Variants in VWA5B1 observed in about 807,000 individuals in gnomAD.
VWA5B1 encodes the protein von Willebrand factor A domain containing 5B1.
VWA5B1 carries 115 observed loss-of-function variants against 118.2 expected under a neutral mutation model. The ratio of observed to expected loss-of-function variants is 0.97; its 90% confidence interval spans 0.84 to 1.14. The LOEUF (loss-of-function observed/expected upper bound fraction) is 1.14, where lower values mean the gene tolerates loss of function less well. Among genes scored for constraint, VWA5B1 ranks in the 50% most tolerant of loss-of-function variants. VWA5B1 has a pLI of 0.00. For synonymous variants in VWA5B1, 682 were observed against 658.4 expected, an observed-to-expected ratio of 1.04 and a Z score of -0.55; for missense variants, 1,596 against 1,603.8, an observed-to-expected ratio of 1.00 and a Z score of 0.08.
Position 20,354,404 on chromosome 1 carries a change from A to T in VWA5B1, c.*141A>T. On this transcript the variant is annotated 3_prime_UTR_variant, in exon 22 of 22. Transcript: ENST00000289815. Reference sequence around the variant, plus strand: ...AAAGAGCCCTGGACTGGCAGCCAGGAGGCCTGAGTTCAATCCCAACTTTGC... The same window carrying T: ...AAAGAGCCCTGGACTGGCAGCCAGGTGGCCTGAGTTCAATCCCAACTTTGC... 8.9e-7 allele frequency: 1 copy of T among 1,127,544 alleles called. No homozygotes were observed. The highest frequency in any genetic ancestry group is 1.2e-6 in the Non-Finnish European group (1 of 819,086). The allele number at this position is 1,127,544 out of a possible 1,614,324, so 69.8% of individuals were successfully genotyped here.
Position 20,336,459 on chromosome 1 carries a change from G to A in VWA5B1, c.1915G>A (p.Ala639Thr). The change falls in exon 13 of 22, where the codon GCC becomes ACC. Residue 639 changes from alanine (A) to threonine (T), a missense_variant. Physicochemically the swap from Ala to Thr is moderately conservative, Grantham distance 58 (BLOSUM62 0). Coordinates refer to ENST00000289815, the MANE Select transcript of VWA5B1 (RefSeq NM_001039500.3). ...ILGQAKNARL[A>T]SGDSTTKHDL... The stretch of plus-strand genomic sequence containing the variant: ...AGGGCAGGCCAAAAATGCCCGGCTA[G>A]CCAGCGGAGACTCTACCACCAAGCA... 2 of 1,472,716 alleles carry A rather than the reference G, an allele frequency of 1.4e-6. No individual in the cohort carries two copies. The highest frequency in any genetic ancestry group is 1.8e-6 in the Non-Finnish European group (2 of 1,104,002). 91.2% of individuals were successfully genotyped at this position (1,472,716 alleles called of 1,614,324 possible). A position where few individuals can be genotyped will look rare whatever the true frequency, so the allele number is the denominator to read the frequency against.
chr1:20,309,500 G>C (rs749590583), intron 1 of VWA5B1, among the ~76,000 whole-genome samples: 8 of 152,226 alleles, frequency 5.3e-5, no homozygotes, highest in Non-Finnish European at 1.0e-4. Flanking sequence ...AGGGATGGAA[G>C]GAACAGGACA....
rs2089104788 is a variant in VWA5B1, at chr1:20,318,631, C to T, written c.751C>T (p.Pro251Ser). Residue 251 changes from proline to serine, a missense_variant, in exon 6 of 22, where the codon CCA becomes TCA. Transcript: ENST00000289815. ...PTHEIRADAA[P>S]SARSAKSIII... ...TCATGAGATTCGTGCCGACGCCGCC[C>T]CATCTGCCCGCTCGGCCAAGAGCAT... 3 of 1,551,168 alleles carry T rather than the reference C, an allele frequency of 1.9e-6. No homozygotes were observed. Among genetic ancestry groups the T allele is most frequent in the Non-Finnish European group, 2.6e-6 (3 of 1,146,732 alleles).
chr1:20,331,785 T>G (rs6696293), intron 11 of VWA5B1, among the ~76,000 whole-genome samples: 3 of 152,006 alleles, frequency 2.0e-5, no homozygotes, highest in Admixed American at 6.6e-5. Flanking sequence ...CTGGAAGCTG[T>G]CACCTAACGG....
chr1:20,293,815 G>A, intron 1 of VWA5B1, among the ~76,000 whole-genome samples: 1 of 152,132 alleles, frequency 6.6e-6, no homozygotes, highest in Admixed American at 6.5e-5. Context: ...ATTCTGTGTG[G>A]GGCTAGGCAG....
chr1:20,336,227 C>T (rs2100957814), intron 12 of VWA5B1, 76 bp from the exon 13 acceptor site: 1 of 1,242,690 alleles, frequency 8.0e-7, no homozygotes, highest in Non-Finnish European at 1.0e-6. Flanking sequence ...CCTCTGCTCA[C>T]ACCCCTTGCT....
At chr1:20,346,448 C>A (rs1320849007) in intron 17 of VWA5B1, among the ~76,000 whole-genome samples, 1 of 152,016 alleles carries the variant, frequency 6.6e-6, no homozygotes, top group Non-Finnish European at 1.5e-5. Flanking sequence ...TATTTTATTC[C>A]CCATTTGGTT....
At chr1:20,332,645 C>A in intron 11 of VWA5B1, 121 bp from the exon 12 acceptor site, 2 of 1,081,850 alleles carry the variant, frequency 1.8e-6, no homozygotes, top group Non-Finnish European at 1.3e-6. Context: ...AGGCAAGTCA[C>A]CACAAGGCCT....
At chr1:20,333,191 A>G (rs12118463) in intron 12 of VWA5B1, among the ~76,000 whole-genome samples, 37,639 of 152,184 alleles carry the variant, frequency 0.25, 5,207 homozygotes, top group East Asian at 0.39. Context: ...GAGCCCCTGC[A>G]GTAGAACCAC....
At chr1:20,295,525 C>T (rs950138822) in intron 1 of VWA5B1, among the ~76,000 whole-genome samples, 1 of 152,160 alleles carries the variant, frequency 6.6e-6, no homozygotes, top group Non-Finnish European at 1.5e-5. Context: ...TAGATCGTGC[C>T]TTGTGAATCT....
chr1:20,301,932 C>T (rs1054417966), intron 1 of VWA5B1, among the ~76,000 whole-genome samples: 1 of 152,192 alleles, frequency 6.6e-6, no homozygotes, highest in African/African-American at 2.4e-5. Flanking sequence ...ACAGGCATGG[C>T]GCAGTTTCTG....
At chr1:20,323,655 C>A in intron 8 of VWA5B1, 123 bp downstream of exon 8, 1 of 1,041,872 alleles carries the variant, frequency 9.6e-7, no homozygotes, top group Non-Finnish European at 1.3e-6. Context: ...TCAGTTTAAA[C>A]AGAGATACCC....
At chr1:20,305,505 G>GC (rs961237226) in intron 1 of VWA5B1, among the ~76,000 whole-genome samples, 4 of 152,038 alleles carry the variant, frequency 2.6e-5, no homozygotes, top group African/African-American at 9.7e-5. Context: ...AAATGCATCA[G>GC]CCCCCCAAGG....
In VWA5B1 at chr1:20,298,015, T is replaced by TG. The variant is rs144623674; in HGVS notation, c.-27+6927_-27+6928insG. Among the ~76,000 whole-genome samples the TG allele has an allele frequency of 1.5e-3, 216 of 140,348 alleles. 1 individual carries two copies. The highest frequency in any genetic ancestry group is 4.8e-3 in the African/African-American group (176 of 36,908). The allele number at this position is 140,348 out of a possible 152,430, so 92.1% of individuals were successfully genotyped here. Reference sequence around the variant, plus strand: ...TGGTGGATTTTTTTTTTTTTTTTTTTTTTGTTTGTTCAGGGGACAGAGTCT... The same window carrying TG: ...TGGTGGATTTTTTTTTTTTTTTTTTTGTTTGTTTGTTCAGGGGACAGAGTCT... On this transcript the variant is annotated intron_variant, in intron 1 of 21. Transcript: ENST00000289815.
intron 5 of VWA5B1, 111 bp from the exon 6 acceptor site, chr1:20,318,479 C>G (rs564678887): frequency 6.9e-7 from 1 of 1,451,268 alleles, no homozygotes; most frequent in Non-Finnish European, 9.4e-7. Flanking sequence ...GAGCCCCTAA[C>G]GGGGCTGGCA....
rs1394561143 is a variant in VWA5B1, at chr1:20,354,495, T to A, written c.*232T>A. ...GTCTGGGCCTCAGTTTCCTCATCTA[T>A]AAAATAAGAGGGCGAGATGAAGGAG... On this transcript the variant is annotated 3_prime_UTR_variant, in exon 22 of 22. Transcript: ENST00000289815. The A allele has an allele frequency of 7.0e-6, 4 of 569,502 alleles. No individual in the cohort carries two copies. The highest frequency in any genetic ancestry group is 1.9e-5 in the African/African-American group (1 of 52,934). 35.3% of individuals were successfully genotyped at this position (569,502 alleles called of 1,614,324 possible). A position where few individuals can be genotyped will look rare whatever the true frequency, so the allele number is the denominator to read the frequency against.
intron 3 of VWA5B1, among the ~76,000 whole-genome samples, chr1:20,313,571 C>T (rs2088911641): frequency 1.3e-5 from 2 of 152,194 alleles, no homozygotes; most frequent in South Asian, 2.1e-4. Context: ...GCTGTTACTG[C>T]CTTTTAGGCA....
chr1:20,344,601 A>C (rs1196673735), intron 16 of VWA5B1, among the ~76,000 whole-genome samples: 1 of 152,060 alleles, frequency 6.6e-6, no homozygotes, highest in Admixed American at 6.5e-5. Context: ...ACGGTGGGGG[A>C]GCTAATTTAG....
At chr1:20,351,570 T>G (rs549416225) in intron 20 of VWA5B1, among the ~76,000 whole-genome samples, 6 of 152,268 alleles carry the variant, frequency 3.9e-5, no homozygotes, top group African/African-American at 1.2e-4. Flanking sequence ...GAGAATCACT[T>G]GGACCCGGGA....
Sources: gnomAD v4.1 joint callset for allele counts (sites outside exome capture counted in the v4.1 genomes callset) on GRCh38, gnomAD v4.1.1 for gene constraint, MANE v1.5 for transcripts, NCBI Gene and HGNC (gene_info 2026-07-23, HGNC 2026-07-21) for gene names.